TTC7B: variants seen among roughly 807,000 people sequenced by gnomAD.
TTC7B encodes the protein tetratricopeptide repeat domain 7B, also known as tetratricopeptide repeat protein 7B.
TTC7B carries 28 observed loss-of-function variants against 106.8 expected under a neutral mutation model. That is an observed-to-expected ratio of 0.26 (90% CI 0.19 to 0.36). TTC7B has a LOEUF of 0.36. Among genes scored for constraint, TTC7B ranks in the 10% least tolerant of loss-of-function variants. The pLI is 1.00. For missense variants in TTC7B, 862 were observed against 1,076.4 expected (o/e 0.80, Z 2.79); for synonymous variants, 405 against 430.6 (o/e 0.94, Z 0.74).
intron 19 of TTC7B, among the ~76,000 whole-genome samples, chr14:90,554,072 C>T (rs531251643): frequency 3.9e-5 from 6 of 152,280 alleles, no homozygotes; most frequent in African/African-American, 9.6e-5. Flanking sequence ...ACAGACTTGG[C>T]CCCCCATTTC....
rs76623318 is a variant in TTC7B, at chr14:90,533,446, C to T, written c.*7922G>A. 4,113 of 153,030 alleles carry T rather than the reference C, an allele frequency of 0.027. 182 individuals carry two copies. Among genetic ancestry groups the T allele is most frequent in the African/African-American group, 0.094 (3,904 of 41,548 alleles). The allele number at this position is 153,030 out of a possible 1,614,324, so 9.5% of individuals were successfully genotyped here. A position where few individuals can be genotyped will look rare whatever the true frequency, so the allele number is the denominator to read the frequency against. ...GCCCTGCTTCAGGGACCCCTCAGCA[C>T]GTCCCAGCAGCCACTCACCCCTCGC... On this transcript the variant is annotated 3_prime_UTR_variant, in exon 20 of 20. Coordinates refer to ENST00000328459, the MANE Select transcript of TTC7B (RefSeq NM_001010854.2).
intron 18 of TTC7B, among the ~76,000 whole-genome samples, 173 bp downstream of exon 18, chr14:90,593,313 T>C (rs756107176): frequency 1.9e-4 from 29 of 152,322 alleles, no homozygotes; most frequent in Non-Finnish European, 3.4e-4. Context: ...CACTTGCGGT[T>C]TGTGCAAAGT....
chr14:90,542,410 G>A lies in TTC7B; in HGVS notation c.2311-821C>T, dbSNP rs1002013923. On this transcript the variant is annotated intron_variant, in intron 19 of 19. Coordinates refer to ENST00000328459, the MANE Select transcript of TTC7B (RefSeq NM_001010854.2). Reference sequence around the variant, plus strand: ...GTCATCTTCGTTTTCCTTGGTTGGGGTGTACCCGTGGGTCCCACCTATTTC... The same window carrying A: ...GTCATCTTCGTTTTCCTTGGTTGGGATGTACCCGTGGGTCCCACCTATTTC... Among the ~76,000 whole-genome samples, 24 of 152,188 alleles carry A rather than the reference G, an allele frequency of 1.6e-4. No individual in the cohort carries two copies. In the East Asian group the frequency reaches 1.9e-3, roughly 12 times the overall value.
At position 90,529,279 on chromosome 14, in the gene TTC7B, G is replaced by A. The variant is rs964533147; in HGVS notation, c.*12089C>T. 6.6e-6 allele frequency: 1 copy of A among 152,624 alleles called. No individual in the cohort carries two copies. The highest frequency in any genetic ancestry group is 1.5e-5 in the Non-Finnish European group (1 of 68,326). 9.5% of individuals were successfully genotyped at this position (152,624 alleles called of 1,614,324 possible). A position where few individuals can be genotyped will look rare whatever the true frequency, so the allele number is the denominator to read the frequency against. ...GGCAAGGTGAGCTTGTCAGGGAGAG[G>A]CCGTAGCCCTCACCACCGCTAATGA... On this transcript the variant is annotated 3_prime_UTR_variant, in exon 20 of 20. Coordinates refer to ENST00000328459, the MANE Select transcript of TTC7B (RefSeq NM_001010854.2).
intron 1 of TTC7B, among the ~76,000 whole-genome samples, chr14:90,801,984 C>G (rs1166446577): frequency 4.6e-5 from 7 of 151,916 alleles, no homozygotes; most frequent in Non-Finnish European, 1.0e-4. Context: ...TCGCTTGAAC[C>G]CTGGAGGTGG....
At chr14:90,786,671 CCGGG>C (rs1427103626) in intron 1 of TTC7B, among the ~76,000 whole-genome samples, 1 of 152,150 alleles carries the variant, frequency 6.6e-6, no homozygotes. Flanking sequence ...CCTCCACCTC[CCGGG>C]TTCAAGCGAT....
chr14:90,667,937 T>A (rs1886474872), intron 9 of TTC7B, among the ~76,000 whole-genome samples: 1 of 152,166 alleles, frequency 6.6e-6, no homozygotes, highest in Non-Finnish European at 1.5e-5. Context: ...AGATTTTATG[T>A]CCTGTGGCAT....
chr14:90,724,258 T>C (rs1014289661), intron 5 of TTC7B, among the ~76,000 whole-genome samples: 1 of 152,224 alleles, frequency 6.6e-6, no homozygotes, highest in African/African-American at 2.4e-5. Flanking sequence ...AAATGGCTTA[T>C]TTTAATTCCT....
chr14:90,674,244 G>C (rs942959867), intron 9 of TTC7B, among the ~76,000 whole-genome samples: 1 of 152,200 alleles, frequency 6.6e-6, no homozygotes, highest in African/African-American at 2.4e-5. Context: ...ATGTGGCCTC[G>C]GACAGAGGGA....
chr14:90,778,343 C>A (rs1249025866), intron 3 of TTC7B, among the ~76,000 whole-genome samples: 2 of 152,206 alleles, frequency 1.3e-5, no homozygotes, highest in African/African-American at 4.8e-5. Flanking sequence ...TGCCTGTCCT[C>A]CTTGCCCACC....
intron 1 of TTC7B, among the ~76,000 whole-genome samples, chr14:90,809,086 G>A (rs565558268): frequency 1.3e-5 from 2 of 152,288 alleles, no homozygotes; most frequent in South Asian, 2.1e-4. Flanking sequence ...TGATATAATC[G>A]AGTGAGATTC....
At chr14:90,680,446 A>C in intron 8 of TTC7B, 26 bp downstream of exon 8, 1 of 1,593,678 alleles carries the variant, frequency 6.3e-7, no homozygotes, top group Non-Finnish European at 8.6e-7. Flanking sequence ...AGGGGAAAGA[A>C]CGATGTAAAA....
At position 90,805,571 on chromosome 14, in the gene TTC7B, C is replaced by T. The variant is rs919600649; in HGVS notation, c.121+10604G>A. ...ATGAGCCACCGCGCCCGGCCTAAAC[C>T]TCACCTCTATCTGCAAGGTTGGAAC... is the stretch of plus-strand genomic sequence containing the variant. On this transcript the variant is annotated intron_variant, in intron 1 of 19. Transcript: ENST00000328459. This position sits in a 1 kb window ranked among gnomAD's most constrained non-coding sequence, Gnocchi z 4.0. Among the ~76,000 whole-genome samples the T allele has an allele frequency of 6.6e-6, 1 of 152,130 alleles. No individual in the cohort carries two copies. Among genetic ancestry groups the T allele is most frequent in the Non-Finnish European group, 1.5e-5 (1 of 68,020 alleles).
rs1446902944 is a variant in TTC7B, at chr14:90,759,832, G to A, written c.446-14910C>T. 6.6e-6 allele frequency among the ~76,000 whole-genome samples: 1 copy of A among 152,158 alleles called. No homozygotes were observed. Among genetic ancestry groups the A allele is most frequent in the East Asian group, 1.9e-4 (1 of 5,198 alleles). On this transcript the variant is annotated intron_variant, in intron 3 of 19. Coordinates refer to ENST00000328459, the MANE Select transcript of TTC7B (RefSeq NM_001010854.2). The surrounding 1 kb of genome is among the most constrained non-coding windows in gnomAD (Gnocchi z 4.1). ...CAATAGTGTGCCCCTGGATGCCAGG[G>A]CAAAATGTTAAAGAATGGCCCCGTC...
At chr14:90,630,384 G>A (rs1480090242) in intron 15 of TTC7B, among the ~76,000 whole-genome samples, 2 of 152,122 alleles carry the variant, frequency 1.3e-5, no homozygotes, top group African/African-American at 4.8e-5. Flanking sequence ...AATCTCAAGA[G>A]CAGAAGGGTC....
intron 6 of TTC7B, among the ~76,000 whole-genome samples, chr14:90,691,402 T>TCTAC (rs1887470179): frequency 6.6e-6 from 1 of 152,216 alleles, no homozygotes; most frequent in East Asian, 1.9e-4. Flanking sequence ...TCACCAGTTC[T>TCTAC]CTACCTATTA....
In TTC7B at chr14:90,578,234, T is replaced by C. The variant is rs905441433; in HGVS notation, c.2182A>G (p.Met728Val). 3 of 1,614,098 alleles carry C rather than the reference T, an allele frequency of 1.9e-6. No individual in the cohort carries two copies. The highest frequency in any genetic ancestry group is 1.3e-5 in the African/African-American group (1 of 74,950). Residue 728 changes from methionine (M) to valine (V), a missense_variant, in exon 19 of 20, where the codon ATG becomes GTG. Physicochemically the swap from Met to Val is conservative, Grantham distance 21 (BLOSUM62 1). Coordinates refer to ENST00000328459, the MANE Select transcript of TTC7B (RefSeq NM_001010854.2). This position sits in a 1 kb window ranked among gnomAD's most constrained non-coding sequence, Gnocchi z 4.7. ...CTQEAANLFP[M>V]SHNVLYMRGQ... ...CGCATGTAGAGGACATTGTGGGACA[T>C]TGGGAAGAGGTTGGCAGCTTCTTGG...
chr14:90,686,541 A>G (rs1454595306), intron 7 of TTC7B, among the ~76,000 whole-genome samples: 1 of 152,228 alleles, frequency 6.6e-6, no homozygotes, highest in Non-Finnish European at 1.5e-5. Context: ...AACCATCTAT[A>G]TTAGTATTAA....
chr14:90,630,193 T>C (rs766757582), intron 15 of TTC7B, among the ~76,000 whole-genome samples: 1 of 151,832 alleles, frequency 6.6e-6, no homozygotes, highest in Non-Finnish European at 1.5e-5. Flanking sequence ...CAGACAATTT[T>C]TCATTGCATT....
Sources: gnomAD v4.1 joint callset for allele counts (sites outside exome capture counted in the v4.1 genomes callset) on GRCh38, gnomAD v4.1.1 for gene constraint, Gnocchi (gnomAD v3.1) non-coding constraint, MANE v1.5 for transcripts, NCBI Gene and HGNC (gene_info 2026-07-23, HGNC 2026-07-21) for gene names.